The following TSHR variants were observed in gnomAD, a reference collection of about 807,000 sequenced individuals.
The protein encoded by TSHR is thyroid stimulating hormone receptor, also known as thyrotropin receptor.
A neutral mutation model predicts 64.1 loss-of-function variants in TSHR; 51 were observed. The observed-to-expected ratio is 0.80, with a 90% CI of 0.64 to 1.01. The LOEUF is 1.01. Among genes scored for constraint, TSHR ranks in the 50% least tolerant of loss-of-function variants. The pLI is 0.00. For missense variants in TSHR, 877 were observed against 942.8 expected (o/e 0.93, Z 0.91); for synonymous variants, 361 against 361.9 (o/e 1.00, Z 0.03).
At chr14:81,072,991 C>T (rs1263428221) in intron 3 of TSHR, among the ~76,000 whole-genome samples, 17 of 34,852 alleles carry the variant, frequency 4.9e-4, no homozygotes, top group African/African-American at 3.7e-3. Flanking sequence ...AGCGAGACTC[C>T]GTCTCAAAAA....
At chr14:81,088,196 C>T (rs1438303405) in intron 4 of TSHR, among the ~76,000 whole-genome samples, 168 bp downstream of exon 4, 1 of 152,098 alleles carries the variant, frequency 6.6e-6, no homozygotes, top group East Asian at 1.9e-4. Flanking sequence ...ATTTTTAAAA[C>T]CTATTCAAAA....
At chr14:81,098,847 G>C (rs1365029083) in intron 7 of TSHR, among the ~76,000 whole-genome samples, 2 of 152,094 alleles carry the variant, frequency 1.3e-5, no homozygotes, top group African/African-American at 4.8e-5. Flanking sequence ...CCTGAAACCT[G>C]GGATATAGGG....
intron 3 of TSHR, among the ~76,000 whole-genome samples, chr14:81,076,682 T>A (rs573118260): frequency 9.7e-4 from 147 of 152,302 alleles, no homozygotes; most frequent in African/African-American, 3.4e-3. Flanking sequence ...TCTACTACCC[T>A]AATATACAGA....
intron 1 of TSHR, among the ~76,000 whole-genome samples, chr14:81,027,575 A>G (rs568939450): frequency 4.6e-5 from 7 of 152,186 alleles, no homozygotes; most frequent in Non-Finnish European, 1.0e-4. Context: ...TCAGGGTAAC[A>G]AAGTATGACC....
At chr14:81,085,545 C>A (rs1361160946) in intron 3 of TSHR, among the ~76,000 whole-genome samples, 10 of 152,108 alleles carry the variant, frequency 6.6e-5, no homozygotes, top group Admixed American at 6.6e-4. Context: ...CCTCTTCCAG[C>A]CTCCATGTAA....
chr14:81,063,383 G>T (rs1237942327), intron 2 of TSHR, among the ~76,000 whole-genome samples: 3 of 151,912 alleles, frequency 2.0e-5, no homozygotes, highest in Admixed American at 6.6e-5. Flanking sequence ...CCCATTCCTT[G>T]GGCTGCACTA....
chr14:80,997,821 T>A (rs1345327939), intron 1 of TSHR, among the ~76,000 whole-genome samples: 13 of 152,252 alleles, frequency 8.5e-5, no homozygotes, highest in Admixed American at 8.5e-4. Context: ...TAGTGTCTAA[T>A]CTGCCTACTT....
intron 1 of TSHR, among the ~76,000 whole-genome samples, chr14:81,059,125 A>T (rs1886041466): frequency 6.6e-6 from 1 of 152,194 alleles, no homozygotes; most frequent in African/African-American, 2.4e-5. Context: ...CCCTTATTGT[A>T]AGGTTGAACT....
At chr14:81,044,313 C>T (rs536212087) in intron 1 of TSHR, among the ~76,000 whole-genome samples, 2 of 152,070 alleles carry the variant, frequency 1.3e-5, no homozygotes, top group Non-Finnish European at 2.9e-5. Context: ...ATGGGACCAA[C>T]AATCATACGA....
chr14:81,039,352 G>A (rs1339159276), intron 1 of TSHR, among the ~76,000 whole-genome samples: 4 of 151,756 alleles, frequency 2.6e-5, no homozygotes, highest in African/African-American at 4.8e-5. Context: ...ACATGATAAA[G>A]GCCAAATATG....
chr14:80,989,230 A>G (rs1032853155), intron 1 of TSHR, among the ~76,000 whole-genome samples: 3 of 152,076 alleles, frequency 2.0e-5, no homozygotes, highest in Non-Finnish European at 4.4e-5. Flanking sequence ...TTTTTACACT[A>G]GCTTCACTTG....
At chr14:80,963,710 C>T (rs751710050) in intron 1 of TSHR, among the ~76,000 whole-genome samples, 2 of 152,272 alleles carry the variant, frequency 1.3e-5, no homozygotes, top group African/African-American at 2.4e-5. Flanking sequence ...TTCCTTTTCT[C>T]CTGGTGTAGG....
At chr14:80,961,299 G>A (rs555317680) in intron 1 of TSHR, among the ~76,000 whole-genome samples, 5 of 152,316 alleles carry the variant, frequency 3.3e-5, no homozygotes, top group African/African-American at 9.6e-5. Flanking sequence ...AGTCTAGTGT[G>A]GGAGCTGCAT....
At chr14:81,054,016 A>G (rs1885595560) in intron 1 of TSHR, among the ~76,000 whole-genome samples, 2 of 152,222 alleles carry the variant, frequency 1.3e-5, no homozygotes, top group African/African-American at 4.8e-5. Flanking sequence ...TAGTTATCCT[A>G]TAGAAGAGCA....
chr14:81,058,663 C>A (rs535956918), intron 1 of TSHR, among the ~76,000 whole-genome samples: 2 of 152,056 alleles, frequency 1.3e-5, no homozygotes, highest in Non-Finnish European at 2.9e-5. Flanking sequence ...AATTCTATTG[C>A]GATGCAAATT....
intron 1 of TSHR, among the ~76,000 whole-genome samples, chr14:81,028,690 C>A (rs1380998109): frequency 2.6e-5 from 4 of 152,026 alleles, no homozygotes; most frequent in African/African-American, 9.7e-5. Flanking sequence ...CAAATGATTT[C>A]AACACTTTTT....
In TSHR at chr14:81,028,153, G is replaced by A. The variant is rs74980178; in HGVS notation, c.171-33995G>A. ...ACAAATTACTAGAGGAACTCAAGTA[G>A]ATCATAAGCCTTTCATATTATGAAA... On this transcript the variant is annotated intron_variant, in intron 1 of 9. Coordinates refer to ENST00000298171, the MANE Select transcript of TSHR (RefSeq NM_000369.5). 3.1e-3 allele frequency among the ~76,000 whole-genome samples: 476 copies of A among 152,238 alleles called. 16 individuals carry two copies. The East Asian group carries it at 0.083, about 26-fold the overall frequency.
At chr14:81,052,727 A>T (rs992320371) in intron 1 of TSHR, 1 of 152,084 alleles carries the variant, frequency 6.6e-6, no homozygotes, top group Non-Finnish European at 1.5e-5. Context: ...TCAATGTTTT[A>T]TAGTTTTCAG....
chr14:81,104,907 AG>A lies in TSHR; in HGVS notation c.615-3467del, dbSNP rs1417726250. ...AAAGCTGTTGAACACATAGAGATGT[AG>A]CCATGTCTATCTTATTTTTAAAGGA... is the stretch of plus-strand genomic sequence containing the variant. On this transcript the variant is annotated intron_variant, in intron 7 of 9. Coordinates refer to ENST00000298171, the MANE Select transcript of TSHR (RefSeq NM_000369.5). 1.3e-4 allele frequency: 125 copies of A among 985,260 alleles called. 1 individual carries two copies. In the African/African-American group the frequency reaches 2.1e-3, roughly 17 times the overall value. The allele number at this position is 985,260 out of a possible 1,614,324, so 61.0% of individuals were successfully genotyped here.
Sources: allele counts gnomAD v4.1 joint callset (sites outside exome capture counted in the v4.1 genomes callset), GRCh38; gene constraint gnomAD v4.1.1; transcripts MANE v1.5; gene names NCBI Gene and HGNC (gene_info 2026-07-23, HGNC 2026-07-21).